The following ANKDD1B variants were observed in gnomAD, a reference collection of about 807,000 sequenced individuals.
The protein encoded by ANKDD1B is ankyrin repeat and death domain containing 1B.
Under a neutral mutation model 59.7 loss-of-function variants are expected in ANKDD1B, and 57 were observed. The observed-to-expected ratio is 0.95, with a 90% confidence interval of 0.77 to 1.19. ANKDD1B has a LOEUF of 1.19. ANKDD1B is among the 50% of genes most tolerant of loss of function. The probability of loss-of-function intolerance (pLI) is 0.00; values close to 1 mark genes in which losing one functional copy is unlikely to be tolerated. For missense variants in ANKDD1B, 602 were observed against 641.9 expected (o/e 0.94, Z 0.67); for synonymous variants, 216 against 239.5 (o/e 0.90, Z 0.91).
chr5:75,657,726 G>A lies in ANKDD1B; in HGVS notation c.997-1557G>A, dbSNP rs187274235. On this transcript the variant is annotated intron_variant, in intron 9 of 13. Coordinates refer to ENST00000601380, the MANE Select transcript of ANKDD1B (RefSeq NM_001276713.2). ...GTTTGAGACAAGCCTGGCCAATATA[G>A]TGAAACCCTGTCTCTACTAAAAATG... Among the ~76,000 whole-genome samples, 133 of 152,096 alleles carry A rather than the reference G, an allele frequency of 8.7e-4. 1 individual carries two copies. The highest frequency in any genetic ancestry group is 7.5e-4 in the Non-Finnish European group (51 of 67,974).
At chr5:75,660,654 T>TA (rs926426073) in intron 10 of ANKDD1B, among the ~76,000 whole-genome samples, 18 of 152,212 alleles carry the variant, frequency 1.2e-4, no homozygotes, top group Admixed American at 2.0e-4. Context: ...CTGAATGTTA[T>TA]ATAGGAGGTC....
At chr5:75,639,454 C>T (rs192795664) in intron 7 of ANKDD1B, among the ~76,000 whole-genome samples, 1 of 152,278 alleles carries the variant, frequency 6.6e-6, no homozygotes, top group Non-Finnish European at 1.5e-5. Flanking sequence ...ACCTCGGTCT[C>T]CCAAAGTGCT....
chr5:75,653,768 G>A (rs376718504), intron 8 of ANKDD1B, among the ~76,000 whole-genome samples: 16 of 152,246 alleles, frequency 1.1e-4, no homozygotes, highest in South Asian at 4.1e-4. Context: ...TCATTTCTCC[G>A]TTGAGAATAT....
At chr5:75,661,880 T>C (rs1019514412) in intron 10 of ANKDD1B, among the ~76,000 whole-genome samples, 12 of 150,856 alleles carry the variant, frequency 8.0e-5, no homozygotes, top group African/African-American at 1.2e-4. Flanking sequence ...AAAAAATATC[T>C]TTTCTATTGG....
intron 7 of ANKDD1B, among the ~76,000 whole-genome samples, chr5:75,639,238 C>T (rs1178807359): frequency 6.6e-6 from 1 of 152,072 alleles, no homozygotes; most frequent in South Asian, 2.1e-4. Flanking sequence ...CTCTTGTTGC[C>T]CAGGCGGGAG....
intron 3 of ANKDD1B, among the ~76,000 whole-genome samples, chr5:75,622,890 T>C (rs1216900651): frequency 6.6e-6 from 1 of 152,162 alleles, no homozygotes; most frequent in Non-Finnish European, 1.5e-5. Context: ...TGAGGAACAA[T>C]GGCTCCACTC....
chr5:75,628,842 G>A (rs1272878524), intron 5 of ANKDD1B, among the ~76,000 whole-genome samples: 3 of 152,176 alleles, frequency 2.0e-5, no homozygotes, highest in Non-Finnish European at 4.4e-5. Context: ...CAGGAGTTAT[G>A]AATAAAGTAT....
chr5:75,626,070 C>T (rs1773989369), intron 5 of ANKDD1B, 115 bp downstream of exon 5: 3 of 721,126 alleles, frequency 4.2e-6, no homozygotes, highest in South Asian at 3.5e-5. Context: ...GCCCTGTAGC[C>T]GGCTCCTCCA....
chr5:75,645,132 T>C (rs1449873872), intron 7 of ANKDD1B, among the ~76,000 whole-genome samples: 2 of 102,866 alleles, frequency 1.9e-5, no homozygotes, highest in Non-Finnish European at 3.4e-5. Context: ...ACTAAATGCC[T>C]ACAAGAGAAA....
chr5:75,636,180 G>A lies in ANKDD1B; in HGVS notation c.798+298G>A, dbSNP rs567791361. On this transcript the variant is annotated intron_variant, in intron 7 of 13. Coordinates refer to ENST00000601380, the MANE Select transcript of ANKDD1B (RefSeq NM_001276713.2). ...AAGAAAGGCATGCAAAACAAATAAT[G>A]TATTGGGCTACATGCAATAATAGAA... is the stretch of plus-strand genomic sequence containing the variant. Among the ~76,000 whole-genome samples the A allele has an allele frequency of 8.5e-5, 13 of 152,288 alleles. 1 individual carries two copies. In the South Asian group the frequency reaches 2.7e-3, roughly 32 times the overall value.
intron 10 of ANKDD1B, among the ~76,000 whole-genome samples, chr5:75,662,279 T>C (rs1237606483): frequency 1.3e-5 from 2 of 152,196 alleles, no homozygotes; most frequent in African/African-American, 2.4e-5. Flanking sequence ...GCCTGCAAAA[T>C]GCAGTTCTTC....
Position 75,616,790 on chromosome 5 carries a change from T to C in ANKDD1B, c.194-14T>C, listed in dbSNP as rs1012765216. 2.2e-5 allele frequency: 31 copies of C among 1,378,438 alleles called. No individual in the cohort carries two copies. The highest frequency in any genetic ancestry group is 3.0e-5 in the Non-Finnish European group (30 of 1,008,246). 85.4% of individuals were successfully genotyped at this position (1,378,438 alleles called of 1,614,324 possible). On this transcript the variant is annotated splice_polypyrimidine_tract_variant and intron_variant, in intron 1 of 13. Transcript: ENST00000601380. ...TTAAATTCCCTCAGTCATGCTTGCT[T>C]TGCTTTCTTTCAGTACTCCCAAATG...
Position 75,611,680 on chromosome 5 carries a change from G to T in ANKDD1B, c.46G>T (p.Gly16Trp). ...CCGGGGCCAAGGGGCCACGGCAGGG[G>T]GGCTGCTGCTCCGGGCTGCTGCGGC... ...RARGQGATAG[G>W]LLLRAAAAAK... The change falls in exon 1 of 14, where the codon GGG (glycine) becomes TGG (tryptophan). Residue 16 changes from glycine (G) to tryptophan (W), a missense_variant. Physicochemically the swap from Gly to Trp is radical, Grantham distance 184. This residue lies in a region of ANKDD1B where 317 missense variants were observed against 304.6 expected (regional missense o/e 1.04). Transcript: ENST00000601380. The T allele has an allele frequency of 1.9e-5, 23 of 1,227,416 alleles. No individual in the cohort carries two copies. Among genetic ancestry groups the T allele is most frequent in the Non-Finnish European group, 2.1e-5 (21 of 987,992 alleles). 76.0% of individuals were successfully genotyped at this position (1,227,416 alleles called of 1,614,324 possible).
chr5:75,670,260 C>T (rs1304830975), intron 13 of ANKDD1B, among the ~76,000 whole-genome samples: 1 of 152,142 alleles, frequency 6.6e-6, no homozygotes, highest in Non-Finnish European at 1.5e-5. Context: ...TTTTGGATCA[C>T]TCTAGTATAT....
Position 75,625,701 on chromosome 5 carries a change from C to G in ANKDD1B, c.451C>G (p.Leu151Val). 2.0e-6 allele frequency: 3 copies of G among 1,536,482 alleles called. No individual in the cohort carries two copies. Among genetic ancestry groups the G allele is most frequent in the Non-Finnish European group, 2.6e-6 (3 of 1,146,998 alleles). The change falls in exon 4 of 14, where the codon CTC (leucine) becomes GTC (valine). Residue 151 changes from leucine to valine, a missense_variant. Around this residue, in one of 3 missense-constraint regions of ANKDD1B, gnomAD observed 317 missense variants for 304.6 expected, o/e 1.04. Coordinates refer to ENST00000601380, the MANE Select transcript of ANKDD1B (RefSeq NM_001276713.2). ...AAWSGSLEVM[L>V]MLVKAGADQR... is the part of the protein sequence containing the mutation. ...CTGGTCTGGGAGCCTTGAGGTCATG[C>G]TCATGCTGGTTAAAGCTGGAGCAGA...
chr5:75,635,051 G>T, intron 6 of ANKDD1B, 55 bp downstream of exon 6: 1 of 1,149,806 alleles, frequency 8.7e-7, no homozygotes, highest in Non-Finnish European at 1.2e-6. Flanking sequence ...AGTAACAATT[G>T]ATGTAGAGGG....
chr5:75,632,241 A>C (rs554652832), intron 5 of ANKDD1B, among the ~76,000 whole-genome samples: 2 of 152,338 alleles, frequency 1.3e-5, no homozygotes, highest in Non-Finnish European at 2.9e-5. Context: ...AACCCAAACC[A>C]TACTAAGGAA....
At chr5:75,655,685 T>A (rs1774955917) in intron 8 of ANKDD1B, among the ~76,000 whole-genome samples, 1 of 152,202 alleles carries the variant, frequency 6.6e-6, no homozygotes, top group South Asian at 2.1e-4. Context: ...TTTGTGTGAC[T>A]TAAAAAAATT....
At chr5:75,662,076 C>T (rs1281866315) in intron 10 of ANKDD1B, among the ~76,000 whole-genome samples, 4 of 152,062 alleles carry the variant, frequency 2.6e-5, no homozygotes, top group East Asian at 3.9e-4. Context: ...CTTCTATCCA[C>T]GCTACCTCCC....
Sources: gnomAD v4.1 joint callset for allele counts (sites outside exome capture counted in the v4.1 genomes callset) on GRCh38, gnomAD v4.1.1 for gene constraint, gnomAD v4.1.1 regional missense constraint, MANE v1.5 for transcripts, NCBI Gene and HGNC (gene_info 2026-07-23, HGNC 2026-07-21) for gene names.